Variants in FKBP15 observed in about 807,000 individuals in gnomAD.
FKBP15 encodes the protein FK506-binding protein 15.
Under a neutral mutation model 158.1 loss-of-function variants are expected in FKBP15, and 106 were observed. The observed-to-expected ratio is 0.67, with a 90% CI of 0.57 to 0.79. FKBP15 has a LOEUF of 0.79. Ranked by LOEUF, FKBP15 falls within the 30% of genes least tolerant of loss-of-function variation. The pLI, the probability that FKBP15 is intolerant of heterozygous loss-of-function variation, is 0.00. For synonymous variants in FKBP15, 547 were observed against 548.6 expected, an observed-to-expected ratio of 1.00 and a Z score of 0.04; for missense variants, 1,287 against 1,479.1, an observed-to-expected ratio of 0.87 and a Z score of 2.13.
At chr9:113,202,382 A>G in intron 6 of FKBP15, 149 bp downstream of exon 6, 1 of 502,502 alleles carries the variant, frequency 2.0e-6, no homozygotes, top group Non-Finnish European at 3.6e-6. Context: ...GAAATCATAC[A>G]ATAGGCCGAA....
At chr9:113,205,458 A>C (rs905913056) in intron 4 of FKBP15, among the ~76,000 whole-genome samples, 2 of 152,210 alleles carry the variant, frequency 1.3e-5, no homozygotes, top group Admixed American at 6.5e-5. Flanking sequence ...TTAAAACCAC[A>C]ATAAAGTACC....
chr9:113,209,478 G>C (rs534203368), intron 2 of FKBP15, among the ~76,000 whole-genome samples: 5 of 152,298 alleles, frequency 3.3e-5, no homozygotes, highest in African/African-American at 1.2e-4. Flanking sequence ...GAGAATAAGA[G>C]AAGCACCTAC....
chr9:113,196,421 T>C (rs931913611), intron 9 of FKBP15, among the ~76,000 whole-genome samples: 1 of 148,286 alleles, frequency 6.7e-6, no homozygotes, highest in African/African-American at 2.5e-5. Flanking sequence ...TCTTGCTCTG[T>C]CGCCCAGGCT....
intron 4 of FKBP15, among the ~76,000 whole-genome samples, chr9:113,205,810 T>C (rs1830874728): frequency 6.6e-6 from 1 of 152,176 alleles, no homozygotes; most frequent in Non-Finnish European, 1.5e-5. Flanking sequence ...ATGTGGTATA[T>C]ACCTACAATG....
intron 1 of FKBP15, among the ~76,000 whole-genome samples, chr9:113,215,644 A>ATTTTTTTTTTTTTT (rs1285341545): frequency 1.6e-5 from 1 of 61,572 alleles, no homozygotes; most frequent in Non-Finnish European, 2.7e-5. Context: ...ATATATATAT[A>ATTTTTTTTTTTTTT]TTTTTTTTTT....
At position 113,168,571 on chromosome 9, in the gene FKBP15, A is replaced by C. The variant is rs1414847839; in HGVS notation, c.3486-15T>G. Reference sequence around the variant, plus strand: ...CCCCAGAGAGACTGAAGGAAAATCAAGTCATAGAAAATGTTATTGTTCCTG... The same window carrying C: ...CCCCAGAGAGACTGAAGGAAAATCACGTCATAGAAAATGTTATTGTTCCTG... On this transcript the variant is annotated splice_polypyrimidine_tract_variant and intron_variant, in intron 26 of 27. Coordinates refer to ENST00000238256, the MANE Select transcript of FKBP15 (RefSeq NM_015258.2). The C allele has an allele frequency of 6.2e-7, 1 of 1,610,232 alleles. No individual in the cohort carries two copies. The highest frequency in any genetic ancestry group is 2.2e-5 in the East Asian group (1 of 44,872).
intron 1 of FKBP15, among the ~76,000 whole-genome samples, chr9:113,211,925 G>A (rs1439773790): frequency 2.0e-5 from 3 of 152,108 alleles, no homozygotes; most frequent in African/African-American, 7.2e-5. Context: ...GACTAGTTCA[G>A]GTGCTCTCTA....
chr9:113,163,155 T>A lies in FKBP15; in HGVS notation c.*2923A>T. 1 of 361,148 alleles carries A rather than the reference T, an allele frequency of 2.8e-6. No individual in the cohort carries two copies. Among genetic ancestry groups the A allele is most frequent in the Non-Finnish European group, 5.0e-6 (1 of 200,972 alleles). 22.4% of individuals were successfully genotyped at this position (361,148 alleles called of 1,614,324 possible). On this transcript the variant is annotated 3_prime_UTR_variant, in exon 28 of 28. Coordinates refer to ENST00000238256, the MANE Select transcript of FKBP15 (RefSeq NM_015258.2). ...TGGTCTTGTGTCTTAAGACAGCTGC[T>A]GTGACCAAAGGGAGAATGGAGATAA... is the stretch of plus-strand genomic sequence containing the variant.
Position 113,183,783 on chromosome 9 carries a change from G to C in FKBP15, c.1779C>G (p.Asp593Glu). ...TTCGTTCAATTAGTTCACTAATCTTGTCATTCTGTTCTTCTATCCGATTGC... is the reference window on the plus strand; with the variant it reads ...TTCGTTCAATTAGTTCACTAATCTTCTCATTCTGTTCTTCTATCCGATTGC... ...EKSNRIEEQNDKISELIERNQ... is the reference protein window; with the variant it reads ...EKSNRIEEQNEKISELIERNQ... Residue 593 changes from aspartate to glutamate, a missense_variant, in exon 18 of 28, where the codon GAC (aspartate) becomes GAG (glutamate). Transcript: ENST00000238256. The C allele has an allele frequency of 6.2e-7, 1 of 1,613,496 alleles. No homozygotes were observed. Among genetic ancestry groups the C allele is most frequent in the Non-Finnish European group, 8.5e-7 (1 of 1,179,618 alleles).
Position 113,165,774 on chromosome 9 carries a change from AT to A in FKBP15, c.*303del, listed in dbSNP as rs1242486401. The A allele has an allele frequency of 1.4e-5, 4 of 285,734 alleles. No individual in the cohort carries two copies. Among genetic ancestry groups the A allele is most frequent in the Non-Finnish European group, 2.1e-5 (3 of 143,960 alleles). 17.7% of individuals were successfully genotyped at this position (285,734 alleles called of 1,614,324 possible). A position where few individuals can be genotyped will look rare whatever the true frequency, so the allele number is the denominator to read the frequency against. On this transcript the variant is annotated 3_prime_UTR_variant, in exon 28 of 28. Coordinates refer to ENST00000238256, the MANE Select transcript of FKBP15 (RefSeq NM_015258.2). The stretch of plus-strand genomic sequence containing the variant: ...GGTCAGTCTGAGAGTTAATGAAGAG[AT>A]TAAAAAGTCTGGCAGAGGACAGGAC...
chr9:113,202,992 A>G lies in FKBP15; in HGVS notation c.368T>C (p.Val123Ala). The change falls in exon 5 of 28, where the codon GTT becomes GCT. Residue 123 changes from valine to alanine, a missense_variant. Coordinates refer to ENST00000238256, the MANE Select transcript of FKBP15 (RefSeq NM_015258.2). ...LYISQQQPVT[V>A]ARIHVNFELM... is the part of the protein sequence containing the mutation. The stretch of plus-strand genomic sequence containing the variant: ...CTCAAAGTTCACATGAATCCTAGCA[A>G]CCGTAACTGGCTGTTGTTGACTGAT... 1.2e-6 allele frequency: 2 copies of G among 1,613,244 alleles called. No individual in the cohort carries two copies. The highest frequency in any genetic ancestry group is 1.7e-6 in the Non-Finnish European group (2 of 1,179,598).
rs1047546366 is a variant in FKBP15, at chr9:113,173,497, G to C, written c.2488C>G (p.Gln830Glu). 1 of 1,613,956 alleles carries C rather than the reference G, an allele frequency of 6.2e-7. No individual in the cohort carries two copies. Among genetic ancestry groups the C allele is most frequent in the Non-Finnish European group, 8.5e-7 (1 of 1,179,864 alleles). The change falls in exon 23 of 28, where the codon CAG becomes GAG. Residue 830 changes from glutamine (Q) to glutamate (E), a missense_variant. Transcript: ENST00000238256. ...HLQQYQEVCA[Q>E]RDAYQQKLVQ... is the part of the protein sequence containing the mutation. ...AGCTTCTGCTGGTAGGCATCTCTCT[G>C]TGCGCACACCTCCTGGTACTGCTGC... is the stretch of plus-strand genomic sequence containing the variant.
chr9:113,197,154 G>A (rs1564175115), intron 8 of FKBP15, 76 bp from the exon 9 acceptor site: 1 of 1,550,006 alleles, frequency 6.5e-7, no homozygotes, highest in Non-Finnish European at 8.8e-7. Context: ...GGAGCAACAG[G>A]TTTCACTTAT....
At position 113,166,130 on chromosome 9, in the gene FKBP15, G is replaced by T; in HGVS notation, c.3608C>A (p.Thr1203Lys). The change falls in exon 28 of 28, where the codon ACG (threonine) becomes AAG (lysine). Residue 1203 changes from threonine to lysine, a missense_variant. Transcript: ENST00000238256. ...EVSMKGRPPP[T>K]PLFGDDDDDD... ...ATCATCATCATCTCCAAAAAGGGGC[G>T]TTGGGGGCGGGCGTCCCTTCATGCT... 1 of 1,613,582 alleles carries T rather than the reference G, an allele frequency of 6.2e-7. No individual in the cohort carries two copies. Among genetic ancestry groups the T allele is most frequent in the Non-Finnish European group, 8.5e-7 (1 of 1,179,730 alleles).
At chr9:113,196,333 G>A (rs1445752124) in intron 9 of FKBP15, among the ~76,000 whole-genome samples, 1 of 151,108 alleles carries the variant, frequency 6.6e-6, no homozygotes, top group Non-Finnish European at 1.5e-5. Flanking sequence ...CACTGGGCAG[G>A]AGTTACTATT....
chr9:113,180,806 T>G (rs1830382300), intron 19 of FKBP15, among the ~76,000 whole-genome samples: 1 of 152,188 alleles, frequency 6.6e-6, no homozygotes, highest in African/African-American at 2.4e-5. Flanking sequence ...GTTTTAGCCA[T>G]TATTCCACGA....
chr9:113,181,811 A>G (rs6477990), intron 19 of FKBP15, among the ~76,000 whole-genome samples: 90,392 of 152,070 alleles, frequency 0.59, 27,596 homozygotes, highest in East Asian at 0.86. Context: ...AGTAAAAAGT[A>G]CATTTAGTGG....
chr9:113,202,699 T>A, intron 5 of FKBP15, 70 bp from the exon 6 acceptor site: 1 of 1,258,460 alleles, frequency 7.9e-7, no homozygotes, highest in South Asian at 1.3e-5. Context: ...CGGCCTAAGC[T>A]CATAGAGTAG....
chr9:113,210,332 C>CTTTTT lies in FKBP15; in HGVS notation c.169+1140_169+1144dup, dbSNP rs35201179. ...ACAATCCTAGTGCCAGTTGTGATGGCTTTTTTTTTTTTTTTTTTTGAGACG... is the reference window on the plus strand; with the variant it reads ...ACAATCCTAGTGCCAGTTGTGATGGCTTTTTTTTTTTTTTTTTTTTTTTTGAGACG... On this transcript the variant is annotated intron_variant, in intron 2 of 27. Coordinates refer to ENST00000238256, the MANE Select transcript of FKBP15 (RefSeq NM_015258.2). Among the ~76,000 whole-genome samples the CTTTTT allele has an allele frequency of 6.5e-3, 744 of 114,682 alleles. 27 individuals are homozygous for CTTTTT. The highest frequency in any genetic ancestry group is 0.02 in the South Asian group (70 of 3,498). 75.2% of individuals were successfully genotyped at this position (114,682 alleles called of 152,430 possible). A position where few individuals can be genotyped will look rare whatever the true frequency, so the allele number is the denominator to read the frequency against.
Sources: allele counts gnomAD v4.1 joint callset (sites outside exome capture counted in the v4.1 genomes callset), GRCh38; gene constraint gnomAD v4.1.1; transcripts MANE v1.5; gene names NCBI Gene and HGNC (gene_info 2026-07-23, HGNC 2026-07-21).